ZZZ3: variants seen among roughly 807,000 people sequenced by gnomAD.
ZZZ3 encodes the protein zinc finger ZZ-type containing 3, also known as ZZ-type zinc finger-containing protein 3.
A neutral mutation model predicts 95.2 loss-of-function variants in ZZZ3; 22 were observed. The observed-to-expected ratio is 0.23, with a 90% CI of 0.17 to 0.33. The LOEUF (loss-of-function observed/expected upper bound fraction) is 0.33. Among genes scored for constraint, ZZZ3 ranks in the 10% least tolerant of loss-of-function variants. The pLI is 1.00. For missense variants in ZZZ3, 885 were observed against 1,066.5 expected, an observed-to-expected ratio of 0.83 and a Z score of 2.37; for synonymous variants, 335 against 358.9, an observed-to-expected ratio of 0.93 and a Z score of 0.75.
At chr1:77,642,189 T>C (rs278839) in intron 1 of ZZZ3, among the ~76,000 whole-genome samples, 12,743 of 152,130 alleles carry the variant, frequency 0.084, 715 homozygotes, top group Middle Eastern at 0.15. Flanking sequence ...CAAACATTCC[T>C]TAAAGGTAAG....
At chr1:77,607,382 A>T (rs1358912327) in intron 5 of ZZZ3, among the ~76,000 whole-genome samples, 1 of 152,206 alleles carries the variant, frequency 6.6e-6, no homozygotes, top group Non-Finnish European at 1.5e-5. Flanking sequence ...TCAAGGTGAG[A>T]CTTGGGTGGG....
intron 5 of ZZZ3, among the ~76,000 whole-genome samples, chr1:77,587,758 C>T (rs1265831267): frequency 2.0e-5 from 3 of 152,242 alleles, no homozygotes; most frequent in Middle Eastern, 3.4e-3. Context: ...GTTCGAACTG[C>T]GTGGATCCAC....
At chr1:77,639,722 T>G in intron 3 of ZZZ3, 120 bp from the exon 4 acceptor site, 1 of 319,542 alleles carries the variant, frequency 3.1e-6, no homozygotes, top group East Asian at 4.7e-5. Context: ...GTGACATCTT[T>G]CATGCTTCTC....
At chr1:77,573,212 C>G (rs1031216308) in intron 12 of ZZZ3, among the ~76,000 whole-genome samples, 1 of 152,078 alleles carries the variant, frequency 6.6e-6, no homozygotes, top group African/African-American at 2.4e-5. Context: ...CTCTGCCTCC[C>G]GGGTTCAGGC....
At chr1:77,600,140 A>T (rs1303546148) in intron 5 of ZZZ3, among the ~76,000 whole-genome samples, 1 of 148,576 alleles carries the variant, frequency 6.7e-6, no homozygotes, top group Non-Finnish European at 1.5e-5. Context: ...AAAAAAAAAA[A>T]TCATGTTTGA....
chr1:77,654,172 C>T (rs1368471470), intron 1 of ZZZ3, among the ~76,000 whole-genome samples: 1 of 118,974 alleles, frequency 8.4e-6, no homozygotes, highest in African/African-American at 3.4e-5. Context: ...TGGGCAACAG[C>T]GAGACTCCAT....
At chr1:77,682,325 A>G (rs767366687) in intron 1 of ZZZ3, among the ~76,000 whole-genome samples, 4 of 152,232 alleles carry the variant, frequency 2.6e-5, no homozygotes, top group Non-Finnish European at 5.9e-5. Context: ...ACGGTATCCA[A>G]TGGAATCATC....
rs1668571839 is a variant in ZZZ3 at position 77,639,392 on chromosome 1, A to C, written c.-52+57T>G. ...CAAGTCTCCCCATCTCAAAAAAAAA[A>C]AAGAAGAAGAAGTCAAACTATAGCT... On this transcript the variant is annotated intron_variant, in intron 4 of 14. Coordinates refer to ENST00000370801, the MANE Select transcript of ZZZ3 (RefSeq NM_015534.6). 1.6e-5 allele frequency: 22 copies of C among 1,414,552 alleles called. No homozygotes were observed. In the South Asian group the frequency reaches 2.9e-4, roughly 19 times the overall value. 87.6% of individuals were successfully genotyped at this position (1,414,552 alleles called of 1,614,324 possible). A position where few individuals can be genotyped will look rare whatever the true frequency, so the allele number is the denominator to read the frequency against.
upstream of ZZZ3, chr1:77,683,301 G>GCGC (rs1343510856): frequency 6.6e-6 from 1 of 151,520 alleles, no homozygotes; most frequent in Non-Finnish European, 1.5e-5. Context: ...ACTTGGGGAG[G>GCGC]CGCCGCCGCC....
chr1:77,601,470 T>C (rs1436592665), intron 5 of ZZZ3, among the ~76,000 whole-genome samples: 2 of 152,108 alleles, frequency 1.3e-5, no homozygotes, highest in Non-Finnish European at 2.9e-5. Context: ...TGCAAAAGTA[T>C]ACAGGATATA....
intron 1 of ZZZ3, among the ~76,000 whole-genome samples, chr1:77,642,794 C>T (rs1026048931): frequency 1.3e-5 from 2 of 152,082 alleles, no homozygotes; most frequent in East Asian, 3.8e-4. Context: ...TAACCTTACA[C>T]ATGCTTTCTG....
intron 1 of ZZZ3, among the ~76,000 whole-genome samples, chr1:77,649,239 T>C (rs1396915942): frequency 1.3e-5 from 2 of 148,918 alleles, no homozygotes; most frequent in Non-Finnish European, 3.0e-5. Context: ...ATAAAGAATA[T>C]CTTAAAAGCA....
At chr1:77,634,702 G>A (rs1668138968) in intron 4 of ZZZ3, among the ~76,000 whole-genome samples, 2 of 152,156 alleles carry the variant, frequency 1.3e-5, no homozygotes, top group Non-Finnish European at 2.9e-5. Flanking sequence ...GTGGATGCTT[G>A]AGGTTTATAT....
Position 77,631,946 on chromosome 1 carries a change from T to C in ZZZ3, c.1409A>G (p.Lys470Arg), listed in dbSNP as rs1240383609. ...RLNIGHLPSA[K>R]ESASQHITEE... ...TGTAATGTGCTGACTGGCACTCTCT[T>C]TGGCAGATGGCAAATGTCCAATATT... Residue 470 changes from lysine to arginine, a missense_variant, in exon 5 of 15, where the codon AAA (lysine) becomes AGA (arginine). Coordinates refer to ENST00000370801, the MANE Select transcript of ZZZ3 (RefSeq NM_015534.6). 1.9e-6 allele frequency: 3 copies of C among 1,614,124 alleles called. No homozygotes were observed. Among genetic ancestry groups the C allele is most frequent in the Non-Finnish European group, 1.7e-6 (2 of 1,179,988 alleles).
At chr1:77,650,964 T>C (rs1669751482) in intron 1 of ZZZ3, among the ~76,000 whole-genome samples, 1 of 152,146 alleles carries the variant, frequency 6.6e-6, no homozygotes, top group Non-Finnish European at 1.5e-5. Context: ...CATAATAATC[T>C]TTCCAACAAA....
At chr1:77,595,769 A>G (rs2100644316) in intron 5 of ZZZ3, among the ~76,000 whole-genome samples, 1 of 152,164 alleles carries the variant, frequency 6.6e-6, no homozygotes, top group Admixed American at 6.5e-5. Context: ...ATGGCAAAGG[A>G]AACTTCAAAG....
chr1:77,633,080 T>A lies in ZZZ3; in HGVS notation c.275A>T (p.Glu92Val). Residue 92 changes from glutamate to valine, a missense_variant, in exon 5 of 15, where the codon GAA (glutamate) becomes GTA (valine). By Grantham distance (121) the Glu-to-Val change is moderately radical (BLOSUM62 -2). Around this residue, in one of 5 missense-constraint regions of ZZZ3, gnomAD observed 556 missense variants for 652.9 expected, o/e 0.85. Transcript: ENST00000370801. ...SPRKRGLSSSEKDNIERQAIE... is the reference protein window; with the variant it reads ...SPRKRGLSSSVKDNIERQAIE... The stretch of plus-strand genomic sequence containing the variant: ...AGCCTGCCTTTCTATGTTATCCTTT[T>A]CTGAAGAAGAAAGTCCTCTTTTCCT... The A allele has an allele frequency of 6.2e-7, 1 of 1,613,976 alleles. No homozygotes were observed. Among genetic ancestry groups the A allele is most frequent in the Non-Finnish European group, 8.5e-7 (1 of 1,180,016 alleles).
rs180913621 is a variant in ZZZ3 at position 77,640,559 on chromosome 1, C to T, written c.-206+825G>A. On this transcript the variant is annotated intron_variant, in intron 3 of 14. Transcript: ENST00000370801. ...AGGTTGCAGTGAGCCAAGATCACCC[C>T]ATTGCACTCCAGCCTGGGCAACAAG... Among the ~76,000 whole-genome samples, 37 of 148,608 alleles carry T rather than the reference C, an allele frequency of 2.5e-4. No homozygotes were observed. The East Asian group carries it at 5.5e-3, about 22-fold the overall frequency.
At chr1:77,683,109 AGCCG>A (rs1372228324), upstream of ZZZ3, among the ~76,000 whole-genome samples, 156 of 126,684 alleles carry the variant, frequency 1.2e-3, 2 homozygotes, top group African/African-American at 4.4e-3. Context: ...CAGCCGTCGC[AGCCG>A]TCGCAGTCGT....
Sources: gnomAD v4.1 joint callset for allele counts (sites outside exome capture counted in the v4.1 genomes callset) on GRCh38, gnomAD v4.1.1 for gene constraint, gnomAD v4.1.1 regional missense constraint, MANE v1.5 for transcripts, NCBI Gene and HGNC (gene_info 2026-07-23, HGNC 2026-07-21) for gene names.